ZNF589: variants seen among roughly 807,000 people sequenced by gnomAD.
ZNF589 encodes KRAB-zinc finger protein SZF1-1.
In ZNF589, 17 loss-of-function variants were observed where a neutral mutation model predicts 13.6. The observed-to-expected ratio is 1.25, with a 90% CI of 0.86 to 1.88. ZNF589 has a LOEUF of 1.88. Among genes scored for constraint, ZNF589 ranks in the 40% most tolerant of loss-of-function variants. The pLI is 0.00. For missense variants in ZNF589, 407 were observed against 434.0 expected (o/e 0.94, Z 0.55); for synonymous variants, 148 against 161.6 (o/e 0.92, Z 0.64).
intron 1 of ZNF589, among the ~76,000 whole-genome samples, chr3:48,245,837 C>T (rs1418711849): frequency 6.6e-6 from 1 of 151,102 alleles, no homozygotes; most frequent in Non-Finnish European, 1.5e-5. Context: ...ATCCCAGCTA[C>T]TTGGGAGGCT....
At chr3:48,266,763 C>T (rs940405380) in intron 3 of ZNF589, among the ~76,000 whole-genome samples, 8 of 152,102 alleles carry the variant, frequency 5.3e-5, no homozygotes, top group African/African-American at 7.2e-5. Flanking sequence ...AACCCACAGC[C>T]GAATCTATTC....
rs2034078963 is a variant in ZNF589 at position 48,270,538 on chromosome 3, C to G, written c.*1752C>G. The G allele has an allele frequency of 3.0e-6, 1 of 332,828 alleles. No homozygotes were observed. Among genetic ancestry groups the G allele is most frequent in the South Asian group, 2.5e-5 (1 of 39,742 alleles). The allele number at this position is 332,828 out of a possible 1,614,324, so 20.6% of individuals were successfully genotyped here. ...CCTCACACTCCAGGGCCCATATGGCCCAGGTTCTGACAGTTTGCCTTACTC... is the reference window on the plus strand; with the variant it reads ...CCTCACACTCCAGGGCCCATATGGCGCAGGTTCTGACAGTTTGCCTTACTC... On this transcript the variant is annotated 3_prime_UTR_variant, in exon 4 of 4. Transcript: ENST00000354698.
Position 48,270,573 on chromosome 3 carries a change from G to T in ZNF589, c.*1787G>T. 1 of 304,154 alleles carries T rather than the reference G, an allele frequency of 3.3e-6. No individual in the cohort carries two copies. Among genetic ancestry groups the T allele is most frequent in the Non-Finnish European group, 6.4e-6 (1 of 155,360 alleles). 18.8% of individuals were successfully genotyped at this position (304,154 alleles called of 1,614,324 possible). On this transcript the variant is annotated 3_prime_UTR_variant, in exon 4 of 4. Transcript: ENST00000354698. ...ACAGTTTGCCTTACTCCCTTGGGCT[G>T]GGGCTAGCCCTACCTGATACCCTGT...
At chr3:48,253,576 T>C (rs1350198888) in intron 2 of ZNF589, among the ~76,000 whole-genome samples, 1 of 150,498 alleles carries the variant, frequency 6.6e-6, no homozygotes, top group Non-Finnish European at 1.5e-5. Flanking sequence ...CTCGGCTCGC[T>C]GCAAGCTCTG....
At chr3:48,244,482 A>G (rs977005410) in intron 1 of ZNF589, among the ~76,000 whole-genome samples, 2 of 152,150 alleles carry the variant, frequency 1.3e-5, no homozygotes, top group African/African-American at 4.8e-5. Context: ...AAAAATGTGC[A>G]GTTCTGGATA....
At position 48,270,243 on chromosome 3, in the gene ZNF589, C is replaced by G. The variant is rs1475778761; in HGVS notation, c.*1457C>G. ...CTGAGGGACACCTTTACCAGGTCCCCTTCCTAACCCTCCAGTCCCAAATCC... is the reference window on the plus strand; with the variant it reads ...CTGAGGGACACCTTTACCAGGTCCCGTTCCTAACCCTCCAGTCCCAAATCC... On this transcript the variant is annotated 3_prime_UTR_variant, in exon 4 of 4. Coordinates refer to ENST00000354698, the MANE Select transcript of ZNF589 (RefSeq NM_016089.3). 1 of 457,130 alleles carries G rather than the reference C, an allele frequency of 2.2e-6. No individual in the cohort carries two copies. The highest frequency in any genetic ancestry group is 2.0e-5 in the African/African-American group (1 of 50,068). The allele number at this position is 457,130 out of a possible 1,614,324, so 28.3% of individuals were successfully genotyped here. A position where few individuals can be genotyped will look rare whatever the true frequency, so the allele number is the denominator to read the frequency against.
At chr3:48,267,832 T>G (rs1024882923) in intron 3 of ZNF589, 83 bp from the exon 4 acceptor site, 76 of 1,388,884 alleles carry the variant, frequency 5.5e-5, no homozygotes, top group Admixed American at 3.2e-4. Flanking sequence ...TTGAGAATGA[T>G]TAATGGGCCA....
chr3:48,257,373 C>T (rs1244073185), intron 2 of ZNF589, among the ~76,000 whole-genome samples: 2 of 152,102 alleles, frequency 1.3e-5, no homozygotes, highest in Non-Finnish European at 2.9e-5. Context: ...GATTCTCCTG[C>T]CTCAGCCTCC....
chr3:48,242,767 T>G (rs906842507), intron 1 of ZNF589, among the ~76,000 whole-genome samples: 2 of 151,986 alleles, frequency 1.3e-5, no homozygotes, highest in Non-Finnish European at 2.9e-5. Context: ...TTTATAGACA[T>G]TGAAATTTGA....
In ZNF589 at chr3:48,270,149, AG is replaced by A. The variant is rs1231557018; in HGVS notation, c.*1364del. The A allele has an allele frequency of 2.2e-6, 1 of 456,724 alleles. No homozygotes were observed. Among genetic ancestry groups the A allele is most frequent in the Non-Finnish European group, 4.4e-6 (1 of 227,008 alleles). 28.3% of individuals were successfully genotyped at this position (456,724 alleles called of 1,614,324 possible). A position where few individuals can be genotyped will look rare whatever the true frequency, so the allele number is the denominator to read the frequency against. ...CTGCTTTATTTTTTTCTACATCTCTAGCCTTTGCTGTTTCCTCTCCTACCCC... is the reference window on the plus strand; with the variant it reads ...CTGCTTTATTTTTTTCTACATCTCTACCTTTGCTGTTTCCTCTCCTACCCC... On this transcript the variant is annotated 3_prime_UTR_variant, in exon 4 of 4. Coordinates refer to ENST00000354698, the MANE Select transcript of ZNF589 (RefSeq NM_016089.3).
rs11718329 is a variant in ZNF589 at position 48,268,338 on chromosome 3, C to G, written c.647C>G (p.Thr216Arg). The change falls in exon 4 of 4, where the codon ACG (threonine) becomes AGG (arginine). Residue 216 changes from threonine (T) to arginine (R), a missense_variant. By Grantham distance (71) the Thr-to-Arg change is moderately conservative. Coordinates refer to ENST00000354698, the MANE Select transcript of ZNF589 (RefSeq NM_016089.3). ...RAETPGFGAV[T>R]FGECALAFNQ... ...GAAACCCCAGGGTTTGGAGCAGTCACGTTTGGGGAGTGTGCACTAGCTTTT... is the reference window on the plus strand; with the variant it reads ...GAAACCCCAGGGTTTGGAGCAGTCAGGTTTGGGGAGTGTGCACTAGCTTTT... 0.3 allele frequency: 484,468 copies of G among 1,613,900 alleles called. 75,546 individuals carry two copies. Among genetic ancestry groups the G allele is most frequent in the African/African-American group, 0.33 (24,865 of 74,954 alleles).
At chr3:48,260,769 T>C in intron 2 of ZNF589, 44 bp from the exon 3 acceptor site, 1 of 1,613,214 alleles carries the variant, frequency 6.2e-7, no homozygotes, top group Non-Finnish European at 8.5e-7. Flanking sequence ...TCACTGTGAA[T>C]CTTAATGGTG....
chr3:48,263,731 C>A (rs566378180), intron 3 of ZNF589, among the ~76,000 whole-genome samples: 1 of 152,126 alleles, frequency 6.6e-6, no homozygotes, highest in African/African-American at 2.4e-5. Context: ...TGCACTCCAA[C>A]CTGGGCAACA....
chr3:48,258,391 A>G (rs1359043042), intron 2 of ZNF589, among the ~76,000 whole-genome samples: 1 of 151,938 alleles, frequency 6.6e-6, no homozygotes, highest in African/African-American at 2.4e-5. Flanking sequence ...GTCCTCCTGG[A>G]CTCACTTATT....
At chr3:48,264,477 G>A (rs1160404809) in intron 3 of ZNF589, among the ~76,000 whole-genome samples, 1 of 151,682 alleles carries the variant, frequency 6.6e-6, no homozygotes, top group Non-Finnish European at 1.5e-5. Flanking sequence ...AAGTTGCAAT[G>A]AGGCAAGATC....
intron 2 of ZNF589, among the ~76,000 whole-genome samples, chr3:48,253,881 A>G (rs1441507235): frequency 6.6e-6 from 1 of 152,152 alleles, no homozygotes; most frequent in East Asian, 1.9e-4. Context: ...GCTTGAGCCC[A>G]GGAGTTCAAG....
chr3:48,246,389 A>G (rs13059037), intron 1 of ZNF589, among the ~76,000 whole-genome samples: 32,904 of 152,192 alleles, frequency 0.22, 4,425 homozygotes, highest in Non-Finnish European at 0.3. Context: ...TGCTGTTGTA[A>G]TGGTCTTTAA....
chr3:48,246,610 T>A (rs2033768739), intron 1 of ZNF589, among the ~76,000 whole-genome samples: 1 of 152,128 alleles, frequency 6.6e-6, no homozygotes, highest in South Asian at 2.1e-4. Flanking sequence ...GAAACCGGCC[T>A]GACACATTTT....
intron 2 of ZNF589, among the ~76,000 whole-genome samples, chr3:48,259,410 T>C (rs2106843098): frequency 6.6e-6 from 1 of 152,340 alleles, no homozygotes; most frequent in East Asian, 1.9e-4. Flanking sequence ...TTGGTAGCCT[T>C]GCACTGTGTT....
Sources: allele counts gnomAD v4.1 joint callset (sites outside exome capture counted in the v4.1 genomes callset), GRCh38; gene constraint gnomAD v4.1.1; transcripts MANE v1.5; gene names NCBI Gene and HGNC (gene_info 2026-07-23, HGNC 2026-07-21).